The following PDZD2 variants were observed in gnomAD, a reference collection of about 807,000 sequenced individuals.
The protein encoded by PDZD2 is PDZ domain containing 2, also known as PDZ domain-containing protein 2.
Under a neutral mutation model 220.7 loss-of-function variants are expected in PDZD2, and 90 were observed. The ratio of observed to expected loss-of-function variants is 0.41; its 90% confidence interval spans 0.34 to 0.49. The LOEUF is 0.49. Ranked by LOEUF, PDZD2 falls within the 20% of genes least tolerant of loss-of-function variation. The pLI is 0.28. For missense variants in PDZD2, 3,174 were observed against 3,608.5 expected (o/e 0.88, Z 3.08); for synonymous variants, 1,375 against 1,450.5 (o/e 0.95, Z 1.18).
intron 1 of PDZD2, among the ~76,000 whole-genome samples, chr5:31,707,875 G>A (rs988253958): frequency 9.2e-5 from 14 of 152,102 alleles, no homozygotes; most frequent in Non-Finnish European, 1.5e-4. Flanking sequence ...TGATCCTTCC[G>A]CCTCAGCCTC....
intron 1 of PDZD2, among the ~76,000 whole-genome samples, chr5:31,649,565 A>G (rs1004276912): frequency 1.3e-5 from 2 of 152,068 alleles, no homozygotes; most frequent in African/African-American, 4.8e-5. Flanking sequence ...GCAAAGAACT[A>G]GTTTGTGTAT....
chr5:31,682,645 G>C (rs533046379), intron 1 of PDZD2, among the ~76,000 whole-genome samples: 26 of 151,826 alleles, frequency 1.7e-4, no homozygotes, highest in Admixed American at 1.6e-3. Context: ...AGATTAAATA[G>C]AACTAGCGCA....
intron 2 of PDZD2, among the ~76,000 whole-genome samples, chr5:31,833,788 C>G (rs769139536): frequency 9.2e-5 from 14 of 152,254 alleles, no homozygotes; most frequent in Admixed American, 1.3e-4. Flanking sequence ...CTGAGACAAT[C>G]TGGTGACAAC....
intron 6 of PDZD2, 164 bp downstream of exon 6, chr5:32,010,646 T>A: frequency 1.4e-6 from 1 of 716,268 alleles, no homozygotes; most frequent in Non-Finnish European, 2.6e-6. Context: ...CTGAGAAAAA[T>A]CTGTGAGGGT....
chr5:32,081,660 T>G (rs1356673319), intron 19 of PDZD2, among the ~76,000 whole-genome samples: 1 of 152,212 alleles, frequency 6.6e-6, no homozygotes, highest in Non-Finnish European at 1.5e-5. Context: ...CTTCTTCCAG[T>G]GTTATTACAA....
chr5:31,820,532 A>T (rs1755773938), intron 2 of PDZD2: 1 of 150,874 alleles, frequency 6.6e-6, no homozygotes. Flanking sequence ...CACGGCATTT[A>T]TTTTTTTTTA....
At chr5:31,764,341 C>G (rs954177598) in intron 1 of PDZD2, among the ~76,000 whole-genome samples, 3 of 152,134 alleles carry the variant, frequency 2.0e-5, no homozygotes, top group African/African-American at 7.2e-5. Flanking sequence ...TTCATCTTTA[C>G]TTTTCCTCTC....
chr5:31,689,320 C>T (rs13155886), intron 1 of PDZD2, among the ~76,000 whole-genome samples: 14 of 83,116 alleles, frequency 1.7e-4, no homozygotes, highest in African/African-American at 7.6e-4. Context: ...TACATATACA[C>T]ATATATATAC....
At chr5:31,773,825 G>A (rs1052982205) in intron 1 of PDZD2, among the ~76,000 whole-genome samples, 3 of 152,096 alleles carry the variant, frequency 2.0e-5, no homozygotes, top group East Asian at 1.9e-4. Flanking sequence ...CTCTGGGACC[G>A]TGTTTACATA....
chr5:31,786,149 T>C (rs1194849736), intron 1 of PDZD2, among the ~76,000 whole-genome samples: 2 of 152,174 alleles, frequency 1.3e-5, no homozygotes, highest in African/African-American at 4.8e-5. Flanking sequence ...AGCTTCTCAG[T>C]TGACATAAGG....
At chr5:31,850,098 G>GTATATATAAGTATATATATGTGTA (rs1757929740) in intron 2 of PDZD2, among the ~76,000 whole-genome samples, 3 of 137,496 alleles carry the variant, frequency 2.2e-5, no homozygotes, top group Non-Finnish European at 4.7e-5. Context: ...ATATATACGT[G>GTATATATAAGTATATATATGTGTA]TATATATAAG....
chr5:32,110,340 C>G lies in PDZD2; in HGVS notation c.*2205C>G, dbSNP rs1745266823. On this transcript the variant is annotated 3_prime_UTR_variant, in exon 25 of 25. Transcript: ENST00000438447. ...ACATACACTATGCTAAAGTCATCAG[C>G]CACTGCTACTACATCTTGCCAGAAG... 6.6e-6 allele frequency: 1 copy of G among 152,630 alleles called. No individual in the cohort carries two copies. Among genetic ancestry groups the G allele is most frequent in the Admixed American group, 6.5e-5 (1 of 15,274 alleles). The allele number at this position is 152,630 out of a possible 1,614,324, so 9.5% of individuals were successfully genotyped here.
At chr5:31,863,000 C>T (rs1561520382) in intron 2 of PDZD2, among the ~76,000 whole-genome samples, 1 of 151,994 alleles carries the variant, frequency 6.6e-6, no homozygotes, top group Admixed American at 6.6e-5. Context: ...GCGTGGCAAT[C>T]CCACGCCTGC....
chr5:32,002,590 C>CCACACACACA, intron 5 of PDZD2, among the ~76,000 whole-genome samples: 2 of 143,382 alleles, frequency 1.4e-5, no homozygotes, highest in East Asian at 4.0e-4. Flanking sequence ...CTCACACATA[C>CCACACACACA]CACACACACA....
At chr5:31,831,955 A>AAAG (rs1756627044) in intron 2 of PDZD2, among the ~76,000 whole-genome samples, 1 of 150,654 alleles carries the variant, frequency 6.6e-6, no homozygotes, top group African/African-American at 2.5e-5. Flanking sequence ...GGGGTGGGGA[A>AAAG]AAGTATAAAT....
chr5:32,040,003 GCGCCTC>G, intron 7 of PDZD2, among the ~76,000 whole-genome samples: 4 of 150,480 alleles, frequency 2.7e-5, no homozygotes, highest in African/African-American at 9.8e-5. Context: ...GAAATGAGGA[GCGCCTC>G]TGCCTGGCCG....
chr5:32,089,073 T>C lies in PDZD2; in HGVS notation c.5625T>C (p.Asn1875=), dbSNP rs749663477. The C allele has an allele frequency of 3.9e-5, 63 of 1,613,794 alleles. No homozygotes were observed. The African/African-American group carries it at 7.1e-4, about 18-fold the overall frequency. Residue 1875 remains asparagine, a synonymous_variant, in exon 20 of 25, where the codon AAT becomes AAC. Transcript: ENST00000438447. Reference sequence around the variant, plus strand: ...GTCCGGCAGAAATGCTTCTGACTAATGGTCAGAAGGCAAAGTGTGGTCCGA... The same window carrying C: ...GTCCGGCAGAAATGCTTCTGACTAACGGTCAGAAGGCAAAGTGTGGTCCGA... The part of the protein sequence containing the change: ...KKSPAEMLLT[N]GQKAKCGPKL...
intron 1 of PDZD2, among the ~76,000 whole-genome samples, chr5:31,734,234 C>T (rs1189652610): frequency 6.6e-6 from 1 of 152,140 alleles, no homozygotes; most frequent in African/African-American, 2.4e-5. Flanking sequence ...TCCATACCCT[C>T]TCGGGGTGTT....
At position 32,057,687 on chromosome 5, in the gene PDZD2, A is replaced by G. The variant is rs777459939; in HGVS notation, c.1933A>G (p.Ile645Val). ...DEILDVNGIP[I>V]KGLTFQEAIH... Reference sequence around the variant, plus strand: ...AATCCTAGATGTAAATGGAATACCAATAAAGGGCTTGACATTTCAAGAAGC... The same window carrying G: ...AATCCTAGATGTAAATGGAATACCAGTAAAGGGCTTGACATTTCAAGAAGC... Residue 645 changes from isoleucine to valine, a missense_variant, in exon 11 of 25, where the codon ATA (isoleucine) becomes GTA (valine). By Grantham distance (29) the Ile-to-Val change is conservative (BLOSUM62 3). Transcript: ENST00000438447. The G allele has an allele frequency of 3.8e-6, 6 of 1,595,496 alleles. No homozygotes were observed. The highest frequency in any genetic ancestry group is 1.7e-5 in the Admixed American group (1 of 59,738).
Sources: allele counts gnomAD v4.1 joint callset (sites outside exome capture counted in the v4.1 genomes callset), GRCh38; gene constraint gnomAD v4.1.1; transcripts MANE v1.5; gene names NCBI Gene and HGNC (gene_info 2026-07-23, HGNC 2026-07-21).